ERC2: variants seen among roughly 807,000 people sequenced by gnomAD.
ERC2 encodes the protein ERC protein 2.
ERC2 carries 42 observed loss-of-function variants against 114.8 expected under a neutral mutation model. The ratio of observed to expected loss-of-function variants is 0.37; its 90% CI spans 0.29 to 0.47. The LOEUF (loss-of-function observed/expected upper bound fraction) is 0.47. ERC2 is among the 20% of genes least tolerant of loss of function. The probability of loss-of-function intolerance (pLI) is 0.99; values close to 1 mark genes in which losing one functional copy is unlikely to be tolerated. For synonymous variants in ERC2, 454 were observed against 425.5 expected (o/e 1.07, Z -0.82); for missense variants, 939 against 1,150.7 (o/e 0.82, Z 2.66).
At chr3:55,965,248 T>A (rs961408192) in intron 12 of ERC2, among the ~76,000 whole-genome samples, 2 of 152,226 alleles carry the variant, frequency 1.3e-5, no homozygotes, top group African/African-American at 4.8e-5. Context: ...TAGAACTTTC[T>A]GCAATTATGG....
chr3:55,749,062 T>C (rs749229476), intron 14 of ERC2, among the ~76,000 whole-genome samples: 10 of 152,198 alleles, frequency 6.6e-5, no homozygotes, highest in Non-Finnish European at 1.5e-4. Flanking sequence ...CACCCAAGAC[T>C]GACCACTAGA....
At chr3:56,065,038 G>T (rs2076407994) in intron 7 of ERC2, among the ~76,000 whole-genome samples, 1 of 152,174 alleles carries the variant, frequency 6.6e-6, no homozygotes, top group South Asian at 2.1e-4. Flanking sequence ...TTCCTTTGCT[G>T]AACTCAGGGT....
At chr3:55,628,960 T>TATGACGAATTTTTTAC (rs11268750) in intron 17 of ERC2, among the ~76,000 whole-genome samples, 1 of 151,994 alleles carries the variant, frequency 6.6e-6, no homozygotes. Flanking sequence ...ACCTTTCTTA[T>TATGACGAATTTTTTAC]ATGAATGAAG....
At chr3:56,025,678 C>T (rs1460923479) in intron 7 of ERC2, among the ~76,000 whole-genome samples, 1 of 152,114 alleles carries the variant, frequency 6.6e-6, no homozygotes, top group African/African-American at 2.4e-5. Flanking sequence ...TTAGGTAGGG[C>T]CAACACAGAT....
chr3:56,088,905 CA>C (rs1164894345), intron 6 of ERC2, among the ~76,000 whole-genome samples: 1 of 152,148 alleles, frequency 6.6e-6, no homozygotes, highest in Non-Finnish European at 1.5e-5. Context: ...CTACTTTTCA[CA>C]GCCTCTAATT....
At chr3:56,291,361 T>C (rs922514620) in intron 3 of ERC2, among the ~76,000 whole-genome samples, 1 of 152,206 alleles carries the variant, frequency 6.6e-6, no homozygotes. Context: ...TGCGCAATGG[T>C]TTTGGTCTTC....
intron 5 of ERC2, among the ~76,000 whole-genome samples, chr3:56,147,552 C>A (rs2081206074): frequency 6.6e-6 from 1 of 152,126 alleles, no homozygotes; most frequent in Non-Finnish European, 1.5e-5. Flanking sequence ...GCAAACTCAG[C>A]AAGGAGTATG....
chr3:56,427,949 T>C (rs1285522015), intron 2 of ERC2, among the ~76,000 whole-genome samples: 1 of 152,190 alleles, frequency 6.6e-6, no homozygotes, highest in East Asian at 1.9e-4. Flanking sequence ...ATGTTGGGTG[T>C]TACCATGGAC....
intron 17 of ERC2, among the ~76,000 whole-genome samples, chr3:55,567,217 AGTG>A (rs1331747062): frequency 6.6e-6 from 1 of 152,134 alleles, no homozygotes; most frequent in East Asian, 1.9e-4. Flanking sequence ...TCAATGATGG[AGTG>A]GTGAGGAGAG....
At chr3:55,630,955 GA>G (rs11316333) in intron 17 of ERC2, among the ~76,000 whole-genome samples, 33,378 of 146,904 alleles carry the variant, frequency 0.23, 3,807 homozygotes, top group East Asian at 0.43. Context: ...GATCAGTTTG[GA>G]AAAAAAAAAA....
chr3:56,452,549 C>T (rs1018584109), intron 1 of ERC2, among the ~76,000 whole-genome samples: 1 of 152,156 alleles, frequency 6.6e-6, no homozygotes, highest in Non-Finnish European at 1.5e-5. Flanking sequence ...AAATAAAACT[C>T]ACCAGCTTTA....
chr3:55,702,743 C>G (rs996701793), intron 15 of ERC2, among the ~76,000 whole-genome samples: 9 of 152,264 alleles, frequency 5.9e-5, no homozygotes, highest in African/African-American at 1.9e-4. Context: ...ACCAGGTGAT[C>G]CCATACATAA....
chr3:55,965,343 G>A (rs1397881453), intron 12 of ERC2, among the ~76,000 whole-genome samples: 1 of 152,208 alleles, frequency 6.6e-6, no homozygotes, highest in Non-Finnish European at 1.5e-5. Flanking sequence ...CCATGCAACT[G>A]TAAAAGTGAT....
chr3:55,941,794 T>G (rs2066815046), intron 13 of ERC2, among the ~76,000 whole-genome samples: 2 of 152,154 alleles, frequency 1.3e-5, no homozygotes, highest in Admixed American at 1.3e-4. Context: ...TAAACTAATT[T>G]TTATTTATTA....
At chr3:55,654,259 A>G (rs2060766695) in intron 17 of ERC2, among the ~76,000 whole-genome samples, 1 of 152,196 alleles carries the variant, frequency 6.6e-6, no homozygotes, top group African/African-American at 2.4e-5. Flanking sequence ...ATCACCTCAC[A>G]TGCTCAGCAT....
intron 2 of ERC2, among the ~76,000 whole-genome samples, chr3:56,342,622 T>G (rs1179261898): frequency 6.6e-6 from 1 of 152,212 alleles, no homozygotes; most frequent in East Asian, 1.9e-4. Context: ...AGTCTAGCCC[T>G]GCTCTCAGAG....
At chr3:55,625,121 A>T (rs2059460135) in intron 17 of ERC2, among the ~76,000 whole-genome samples, 1 of 152,142 alleles carries the variant, frequency 6.6e-6, no homozygotes, top group East Asian at 1.9e-4. Context: ...TAATCCCAAC[A>T]CTTAGGGAGG....
At chr3:55,661,779 G>A (rs1293814098) in intron 17 of ERC2, among the ~76,000 whole-genome samples, 1 of 151,968 alleles carries the variant, frequency 6.6e-6, no homozygotes, top group Non-Finnish European at 1.5e-5. Flanking sequence ...TGTTTAGTTT[G>A]GGCTATTTGT....
At chr3:56,420,866 C>T (rs1358055127) in intron 2 of ERC2, among the ~76,000 whole-genome samples, 1 of 149,796 alleles carries the variant, frequency 6.7e-6, no homozygotes, top group Non-Finnish European at 1.5e-5. Context: ...CACCGCACTC[C>T]AGCCTGGGCG....
Sources: gnomAD v4.1 joint callset for allele counts (sites outside exome capture counted in the v4.1 genomes callset) on GRCh38, gnomAD v4.1.1 for gene constraint, MANE v1.5 for transcripts, NCBI Gene and HGNC (gene_info 2026-07-23, HGNC 2026-07-21) for gene names.